Variants in STAG1 observed in about 807,000 individuals in gnomAD.
The protein encoded by STAG1 is STAG1 cohesin complex component.
In STAG1, 26 loss-of-function variants were observed where a neutral mutation model predicts 170.9. The ratio of observed to expected loss-of-function variants is 0.15; its 90% CI spans 0.11 to 0.21. The LOEUF (loss-of-function observed/expected upper bound fraction) is 0.21, where lower values mean the gene tolerates loss of function less well. Ranked by LOEUF, STAG1 falls within the 10% of genes least tolerant of loss-of-function variation. The probability of loss-of-function intolerance (pLI) is 1.00; values close to 1 mark genes in which losing one functional copy is unlikely to be tolerated. For missense variants in STAG1, 964 were observed against 1,509.5 expected, an observed-to-expected ratio of 0.64 and a Z score of 5.99; for synonymous variants, 514 against 497.7, an observed-to-expected ratio of 1.03 and a Z score of -0.44.
At chr3:136,463,763 G>GTA (rs1390436011) in intron 13 of STAG1, among the ~76,000 whole-genome samples, 4 of 79,294 alleles carry the variant, frequency 5.0e-5, no homozygotes, top group African/African-American at 1.7e-4. Flanking sequence ...GTGTGTGTGT[G>GTA]TGTGTATACA....
At chr3:136,694,632 T>C (rs762770618) in intron 1 of STAG1, among the ~76,000 whole-genome samples, 21 of 150,652 alleles carry the variant, frequency 1.4e-4, no homozygotes, top group East Asian at 3.9e-4. Flanking sequence ...AAAAAAAACA[T>C]TGGAGAAGAC....
intron 1 of STAG1, among the ~76,000 whole-genome samples, chr3:136,715,382 A>T (rs1943512648): frequency 6.6e-6 from 1 of 151,862 alleles, no homozygotes; most frequent in South Asian, 2.1e-4. Context: ...ACACTTTGGG[A>T]GGCCAAGGCA....
At chr3:136,485,714 A>G (rs529901575) in intron 9 of STAG1, among the ~76,000 whole-genome samples, 26 of 152,326 alleles carry the variant, frequency 1.7e-4, no homozygotes, top group African/African-American at 6.3e-4. Context: ...TTCAGTGAAT[A>G]TCAATTCCAT....
chr3:136,637,572 G>A (rs1194202478), intron 1 of STAG1, among the ~76,000 whole-genome samples: 1 of 152,112 alleles, frequency 6.6e-6, no homozygotes, highest in Non-Finnish European at 1.5e-5. Flanking sequence ...CAAAAGAAAT[G>A]TAAGAGTAAT....
chr3:136,560,595 A>G (rs1936800388), intron 5 of STAG1, among the ~76,000 whole-genome samples: 1 of 152,222 alleles, frequency 6.6e-6, no homozygotes, highest in African/African-American at 2.4e-5. Context: ...TTGATACTGA[A>G]TATATCTATT....
intron 3 of STAG1, among the ~76,000 whole-genome samples, chr3:136,614,720 C>G (rs1175660622): frequency 6.6e-6 from 1 of 152,180 alleles, no homozygotes; most frequent in Non-Finnish European, 1.5e-5. Flanking sequence ...CCCAAATACT[C>G]TATTCCAAAG....
intron 22 of STAG1, among the ~76,000 whole-genome samples, chr3:136,398,201 T>A (rs970019054): frequency 1.3e-5 from 2 of 151,954 alleles, no homozygotes; most frequent in East Asian, 3.9e-4. Context: ...CACTGCAACC[T>A]CTACCTCCCG....
rs1454949610 is a variant in STAG1, at chr3:136,666,028, T to C, written c.-83-35047A>G. Reference sequence around the variant, plus strand: ...AGGCAGAGCTTGCAGTGCGCCGAGATTGCGCCACTGCACTCCAGCCTGGGC... The same window carrying C: ...AGGCAGAGCTTGCAGTGCGCCGAGACTGCGCCACTGCACTCCAGCCTGGGC... On this transcript the variant is annotated intron_variant, in intron 1 of 33. Transcript: ENST00000383202. Among the ~76,000 whole-genome samples the C allele has an allele frequency of 1.0e-4, 13 of 127,782 alleles. No individual in the cohort carries two copies. The South Asian group carries it at 1.1e-3, about 11-fold the overall frequency. 83.8% of individuals were successfully genotyped at this position (127,782 alleles called of 152,430 possible).
intron 1 of STAG1, among the ~76,000 whole-genome samples, chr3:136,679,542 C>A (rs899602935): frequency 6.6e-6 from 1 of 152,018 alleles, no homozygotes; most frequent in African/African-American, 2.4e-5. Context: ...TCCTGGATAA[C>A]ACAGTGAAAC....
intron 3 of STAG1, chr3:136,609,358 T>A (rs1320517590): frequency 2.1e-5 from 3 of 146,188 alleles, no homozygotes; most frequent in African/African-American, 5.2e-5. Flanking sequence ...TTTGTATATA[T>A]ATTTGTATAT....
intron 7 of STAG1, among the ~76,000 whole-genome samples, chr3:136,514,315 T>C (rs1934234956): frequency 6.6e-6 from 1 of 152,178 alleles, no homozygotes; most frequent in Non-Finnish European, 1.5e-5. Flanking sequence ...GAAAAAATGC[T>C]CATCATCACT....
intron 3 of STAG1, 47 bp from the exon 4 acceptor site, chr3:136,604,520 C>A: frequency 1.3e-6 from 2 of 1,512,678 alleles, no homozygotes; most frequent in South Asian, 1.3e-5. Context: ...GTTTACTTTG[C>A]TTTATATAAA....
chr3:136,447,211 G>A (rs977404213), intron 14 of STAG1, among the ~76,000 whole-genome samples: 6 of 152,040 alleles, frequency 3.9e-5, no homozygotes, highest in South Asian at 2.1e-4. Flanking sequence ...CTGGCTGGGC[G>A]TGGTGGCTCA....
At chr3:136,545,613 T>A (rs549434714) in intron 5 of STAG1, among the ~76,000 whole-genome samples, 2 of 151,822 alleles carry the variant, frequency 1.3e-5, no homozygotes, top group East Asian at 3.9e-4. Context: ...GAGGAGGGGG[T>A]CTGGGGAAGA....
intron 29 of STAG1, among the ~76,000 whole-genome samples, chr3:136,347,386 A>T (rs1936268258): frequency 9.2e-6 from 1 of 108,580 alleles, no homozygotes. Flanking sequence ...ACAGAGGGAG[A>T]TCCTGTCTCA....
intron 22 of STAG1, among the ~76,000 whole-genome samples, chr3:136,383,555 T>C (rs1268811586): frequency 5.3e-5 from 8 of 152,198 alleles, no homozygotes; most frequent in African/African-American, 1.9e-4. Flanking sequence ...TTAACATTTA[T>C]CCACACTTAC....
chr3:136,723,107 C>T (rs918221114), intron 1 of STAG1, among the ~76,000 whole-genome samples: 9 of 152,234 alleles, frequency 5.9e-5, no homozygotes, highest in Admixed American at 5.2e-4. Context: ...CTCTGCCCGG[C>T]CGCAACGCCG....
intron 1 of STAG1, among the ~76,000 whole-genome samples, chr3:136,633,401 C>G (rs1940410746): frequency 6.6e-6 from 1 of 152,022 alleles, no homozygotes; most frequent in Non-Finnish European, 1.5e-5. Context: ...ACATGCCCTA[C>G]AAGAAATGCT....
chr3:136,682,385 A>T (rs766449147), intron 1 of STAG1, among the ~76,000 whole-genome samples: 31 of 151,708 alleles, frequency 2.0e-4, no homozygotes, highest in Non-Finnish European at 3.7e-4. Flanking sequence ...AGATCATGCC[A>T]CTACATTCCA....
Sources: allele counts gnomAD v4.1 joint callset (sites outside exome capture counted in the v4.1 genomes callset), GRCh38; gene constraint gnomAD v4.1.1; transcripts MANE v1.5; gene names NCBI Gene and HGNC (gene_info 2026-07-23, HGNC 2026-07-21).